ERC2: variants seen among roughly 807,000 people sequenced by gnomAD.
The protein encoded by ERC2 is ELKS/RAB6-interacting/CAST family member 2, also known as ERC protein 2.
ERC2 carries 42 observed loss-of-function variants against 114.8 expected under a neutral mutation model. The observed-to-expected ratio is 0.37, with a 90% CI of 0.29 to 0.47. ERC2 has a LOEUF of 0.47. ERC2 is among the 20% of genes least tolerant of loss of function. ERC2 has a pLI of 0.99. For missense variants in ERC2, 939 were observed against 1,150.7 expected (o/e 0.82, Z 2.66); for synonymous variants, 454 against 425.5 (o/e 1.07, Z -0.82).
At chr3:55,712,870 C>A (rs1207188514) in intron 15 of ERC2, among the ~76,000 whole-genome samples, 1 of 152,208 alleles carries the variant, frequency 6.6e-6, no homozygotes, top group Non-Finnish European at 1.5e-5. Flanking sequence ...TCTCTCTGTA[C>A]CCCATTGCAC....
At chr3:56,426,472 T>G (rs1395501444) in intron 2 of ERC2, among the ~76,000 whole-genome samples, 3 of 152,246 alleles carry the variant, frequency 2.0e-5, no homozygotes, top group Non-Finnish European at 2.9e-5. Flanking sequence ...AACATATGTA[T>G]GTATATTCAT....
chr3:55,689,688 G>A (rs1421694612), intron 16 of ERC2, among the ~76,000 whole-genome samples: 1 of 151,970 alleles, frequency 6.6e-6, no homozygotes, highest in Admixed American at 6.6e-5. Context: ...AAAATGAGGG[G>A]AGGCTGAGGC....
intron 14 of ERC2, among the ~76,000 whole-genome samples, chr3:55,751,608 C>T (rs2066709645): frequency 6.6e-6 from 1 of 152,118 alleles, no homozygotes; most frequent in Admixed American, 6.5e-5. Flanking sequence ...GCTAGAGTAA[C>T]ATAGATGAGG....
chr3:56,326,004 A>C (rs1270527466), intron 2 of ERC2, among the ~76,000 whole-genome samples: 1 of 152,184 alleles, frequency 6.6e-6, no homozygotes, highest in Non-Finnish European at 1.5e-5. Flanking sequence ...GACTCTGTAC[A>C]ACCACCGCCA....
At chr3:55,632,459 C>G (rs566192678) in intron 17 of ERC2, among the ~76,000 whole-genome samples, 1 of 152,212 alleles carries the variant, frequency 6.6e-6, no homozygotes, top group Non-Finnish European at 1.5e-5. Context: ...TCTGGGAAAC[C>G]AGGTGAGATG....
chr3:56,048,483 A>T (rs1034268689), intron 7 of ERC2, among the ~76,000 whole-genome samples: 1 of 152,196 alleles, frequency 6.6e-6, no homozygotes, highest in Non-Finnish European at 1.5e-5. Context: ...ATTGGCCAAT[A>T]GCATGCTCAA....
At chr3:55,554,781 G>A (rs1383843237) in intron 17 of ERC2, among the ~76,000 whole-genome samples, 1 of 152,046 alleles carries the variant, frequency 6.6e-6, no homozygotes, top group Non-Finnish European at 1.5e-5. Flanking sequence ...AAGAGTTAGG[G>A]CTCAGCCTAG....
At chr3:56,127,951 A>G (rs1231857814) in intron 6 of ERC2, among the ~76,000 whole-genome samples, 1 of 152,182 alleles carries the variant, frequency 6.6e-6, no homozygotes, top group Admixed American at 6.5e-5. Flanking sequence ...ATCTCTCACC[A>G]TATACAAAAG....
intron 2 of ERC2, among the ~76,000 whole-genome samples, chr3:56,303,155 A>G (rs2055998073): frequency 1.3e-5 from 2 of 152,254 alleles, no homozygotes; most frequent in African/African-American, 4.8e-5. Context: ...GGAGGAAAGT[A>G]AAGCAACTGT....
chr3:56,061,139 T>C (rs533370910), intron 7 of ERC2, among the ~76,000 whole-genome samples: 1 of 152,334 alleles, frequency 6.6e-6, no homozygotes, highest in South Asian at 2.1e-4. Flanking sequence ...TCCAGAAAGA[T>C]AGTTCTCTGG....
At chr3:55,617,761 C>T (rs928722735) in intron 17 of ERC2, among the ~76,000 whole-genome samples, 2 of 152,188 alleles carry the variant, frequency 1.3e-5, no homozygotes, top group Non-Finnish European at 2.9e-5. Context: ...CCTCAAATGA[C>T]CAAGAAGTTC....
chr3:55,600,710 G>A (rs2058360483), intron 17 of ERC2, among the ~76,000 whole-genome samples: 2 of 152,248 alleles, frequency 1.3e-5, no homozygotes, highest in Admixed American at 6.5e-5. Flanking sequence ...GCTGTTGGGG[G>A]CAGAACACTT....
chr3:56,330,296 C>T (rs538030527), intron 2 of ERC2, among the ~76,000 whole-genome samples: 74 of 152,286 alleles, frequency 4.9e-4, no homozygotes, highest in African/African-American at 1.7e-3. Flanking sequence ...GCCTCAGCCT[C>T]CCAAAGTGCT....
intron 7 of ERC2, among the ~76,000 whole-genome samples, chr3:56,054,287 T>C (rs1020740017): frequency 2.6e-5 from 4 of 152,184 alleles, no homozygotes; most frequent in Admixed American, 2.6e-4. Flanking sequence ...CTGCTTTGAA[T>C]TGGAATAAGG....
chr3:55,583,387 T>TTCCTTCC (rs1559692058), intron 17 of ERC2, among the ~76,000 whole-genome samples: 5 of 127,766 alleles, frequency 3.9e-5, no homozygotes, highest in South Asian at 2.9e-4. Flanking sequence ...TCCTTCTTTC[T>TTCCTTCC]TTCCTTCCTT....
At chr3:55,520,391 G>A (rs552572956) in intron 17 of ERC2, among the ~76,000 whole-genome samples, 26 of 145,138 alleles carry the variant, frequency 1.8e-4, no homozygotes, top group African/African-American at 5.9e-4. Context: ...AGCCGAGATC[G>A]TGCCACTGCA....
intron 14 of ERC2, among the ~76,000 whole-genome samples, chr3:55,795,651 G>A (rs961034984): frequency 3.9e-5 from 6 of 152,110 alleles, no homozygotes; most frequent in East Asian, 1.9e-4. Context: ...AACTCTGTAC[G>A]TAACCAAGAA....
intron 15 of ERC2, among the ~76,000 whole-genome samples, chr3:55,703,566 C>T (rs2063337883): frequency 6.6e-6 from 1 of 152,208 alleles, no homozygotes; most frequent in South Asian, 2.1e-4. Flanking sequence ...GCTTTCTCCA[C>T]CACTAGGTTG....
At chr3:55,978,212 C>G (rs2069752495) in intron 12 of ERC2, among the ~76,000 whole-genome samples, 1 of 152,152 alleles carries the variant, frequency 6.6e-6, no homozygotes, top group Non-Finnish European at 1.5e-5. Flanking sequence ...TACAGAAAGG[C>G]AGTAGCTGAA....
Sources: gnomAD v4.1 joint callset for allele counts (sites outside exome capture counted in the v4.1 genomes callset) on GRCh38, gnomAD v4.1.1 for gene constraint, MANE v1.5 for transcripts, NCBI Gene and HGNC (gene_info 2026-07-23, HGNC 2026-07-21) for gene names.